Variants in IFT27 observed in about 807,000 individuals in gnomAD.
IFT27 encodes intraflagellar transport protein 27 homolog.
Under a neutral mutation model 23.9 loss-of-function variants are expected in IFT27, and 19 were observed. The observed-to-expected ratio is 0.79, with a 90% confidence interval of 0.55 to 1.16. IFT27 has a LOEUF of 1.16. IFT27 is among the 50% of genes most tolerant of loss of function. IFT27 has a pLI of 0.00. For synonymous variants in IFT27, 91 were observed against 89.1 expected (o/e 1.02, Z -0.12); for missense variants, 206 against 228.7 (o/e 0.90, Z 0.64).
chr22:36,763,643 A>T (rs1938157110), intron 5 of IFT27: 1 of 527,456 alleles, frequency 1.9e-6, no homozygotes, highest in African/African-American at 1.9e-5. Context: ...TTCTGGAATT[A>T]ACAACTGATA....
intron 1 of IFT27, among the ~76,000 whole-genome samples, chr22:36,772,878 G>C (rs1938417633): frequency 6.6e-6 from 1 of 152,128 alleles, no homozygotes; most frequent in South Asian, 2.1e-4. Context: ...TGGGTGGACA[G>C]GTGTCAGAGG....
Position 36,767,822 on chromosome 22 carries a change from G to A in IFT27, c.75C>T (p.Phe25=). The A allele has an allele frequency of 6.2e-7, 1 of 1,614,190 alleles. No homozygotes were observed. Among genetic ancestry groups the A allele is most frequent in the South Asian group, 1.1e-5 (1 of 91,088 alleles). ...AVGKTALAQI[F]RSDGAHFQKS... is the part of the protein sequence containing the mutation. ...TCTGGAAATGGGCTCCATCACTGCG[G>A]AAGATCTGTGCCAGGGCGGTCTTGC... The change falls in exon 2 of 7, where the codon TTC becomes TTT. Residue 25 remains phenylalanine (F), a synonymous_variant. Transcript: ENST00000433985.
intron 4 of IFT27, among the ~76,000 whole-genome samples, chr22:36,765,706 G>A (rs1938228578): frequency 6.6e-6 from 1 of 152,238 alleles, no homozygotes; most frequent in Admixed American, 6.5e-5. Context: ...GCAGGGGCAT[G>A]TTCCAGAGCA....
At chr22:36,764,968 C>T (rs1483352595) in intron 4 of IFT27, among the ~76,000 whole-genome samples, 1 of 152,208 alleles carries the variant, frequency 6.6e-6, no homozygotes, top group Non-Finnish European at 1.5e-5. Flanking sequence ...GAAGAGAATC[C>T]TTTTCCCTCC....
chr22:36,766,576 T>C (rs1938255159), intron 3 of IFT27: 2 of 277,784 alleles, frequency 7.2e-6, no homozygotes, highest in East Asian at 1.7e-4. Context: ...CAAATTGATT[T>C]TCAAATCTTA....
intron 6 of IFT27, chr22:36,760,506 C>T (rs1198126916): frequency 2.0e-5 from 3 of 152,202 alleles, no homozygotes; most frequent in African/African-American, 4.8e-5. Context: ...TGGAGTAGGT[C>T]GGCTTAGAGG....
chr22:36,773,418 G>A (rs1045361333), intron 1 of IFT27, among the ~76,000 whole-genome samples: 27 of 152,004 alleles, frequency 1.8e-4, no homozygotes, highest in East Asian at 3.9e-4. Context: ...TTGGGAGGCC[G>A]AGGCGGGCAG....
Position 36,775,734 on chromosome 22 carries a change from C to T in IFT27, c.-27G>A, listed in dbSNP as rs1938486527. ...GTAACCAACACTCCCGCGAGCCGTA[C>T]CCAGAGGACAAGAGCGGCTGCTAGA... On this transcript the variant is annotated 5_prime_UTR_variant, in exon 1 of 7. Coordinates refer to ENST00000433985, the MANE Select transcript of IFT27 (RefSeq NM_001177701.3). 3 of 1,613,996 alleles carry T rather than the reference C, an allele frequency of 1.9e-6. No individual in the cohort carries two copies. Among genetic ancestry groups the T allele is most frequent in the Non-Finnish European group, 2.5e-6 (3 of 1,179,880 alleles).
chr22:36,760,149 C>G (rs1054971292), intron 6 of IFT27: 3 of 152,276 alleles, frequency 2.0e-5, no homozygotes, highest in Non-Finnish European at 4.4e-5. Context: ...CTGCCGGGCC[C>G]TGCTAGTTGT....
At chr22:36,774,152 CT>C (rs1231869729) in intron 1 of IFT27, among the ~76,000 whole-genome samples, 1 of 152,202 alleles carries the variant, frequency 6.6e-6, no homozygotes. Context: ...GCTCTGGAAA[CT>C]GGAGATTCTC....
At chr22:36,763,860 T>G in intron 5 of IFT27, 59 bp downstream of exon 5, 1 of 1,223,212 alleles carries the variant, frequency 8.2e-7, no homozygotes, top group Non-Finnish European at 1.2e-6. Flanking sequence ...AATGCCCTTG[T>G]GCTCTTGAAC....
At chr22:36,758,478 G>T in intron 6 of IFT27, 69 bp from the exon 7 acceptor site, 1 of 1,186,504 alleles carries the variant, frequency 8.4e-7, no homozygotes, top group Non-Finnish European at 1.3e-6. Flanking sequence ...CTCACTCAAT[G>T]CTTCCCTCAT....
At chr22:36,764,767 G>A (rs1423959539) in intron 4 of IFT27, among the ~76,000 whole-genome samples, 6 of 152,316 alleles carry the variant, frequency 3.9e-5, no homozygotes, top group Admixed American at 6.5e-5. Context: ...AGGGGCTGTC[G>A]CCTTCAGGGG....
chr22:36,768,909 C>A (rs778260541), intron 1 of IFT27, among the ~76,000 whole-genome samples: 3 of 152,242 alleles, frequency 2.0e-5, no homozygotes, highest in African/African-American at 7.2e-5. Context: ...CCGCCCTCCG[C>A]GGCTTCCAAC....
intron 1 of IFT27, chr22:36,772,832 G>A: frequency 1.0e-6 from 1 of 966,130 alleles, no homozygotes; most frequent in Middle Eastern, 5.3e-4. Context: ...GGTCATGGAT[G>A]GAAAAATAAA....
At chr22:36,774,902 A>T (rs1938468897) in intron 1 of IFT27, among the ~76,000 whole-genome samples, 1 of 152,246 alleles carries the variant, frequency 6.6e-6, no homozygotes, top group Non-Finnish European at 1.5e-5. Flanking sequence ...CTTCACATGC[A>T]GTAAGCACTC....
At chr22:36,770,975 G>A (rs1938373711) in intron 1 of IFT27, among the ~76,000 whole-genome samples, 1 of 152,208 alleles carries the variant, frequency 6.6e-6, no homozygotes, top group South Asian at 2.1e-4. Flanking sequence ...CTTCCCGCCT[G>A]CTTCTCCTTT....
chr22:36,767,117 C>T (rs1938270680), intron 3 of IFT27, 189 bp downstream of exon 3: 1 of 478,140 alleles, frequency 2.1e-6, no homozygotes, highest in African/African-American at 2.0e-5. Flanking sequence ...TCCTAGTCCT[C>T]CTTCCTTCCT....
At chr22:36,760,878 C>T (rs1423708979) in intron 6 of IFT27, 2 of 167,134 alleles carry the variant, frequency 1.2e-5, no homozygotes, top group African/African-American at 2.4e-5. Flanking sequence ...ATTGTTCTTG[C>T]ACTTGTTTGT....
Sources: gnomAD v4.1 joint callset for allele counts (sites outside exome capture counted in the v4.1 genomes callset) on GRCh38, gnomAD v4.1.1 for gene constraint, MANE v1.5 for transcripts, NCBI Gene and HGNC (gene_info 2026-07-23, HGNC 2026-07-21) for gene names.